Variants in NTNG1 observed in about 807,000 individuals in gnomAD.
NTNG1 encodes the protein netrin-G1.
NTNG1 carries 16 observed loss-of-function variants against 54.0 expected under a neutral mutation model. The observed-to-expected ratio is 0.30, with a 90% confidence interval of 0.20 to 0.45. The LOEUF is 0.45. NTNG1 is among the 20% of genes least tolerant of loss of function. The pLI, the probability that NTNG1 is intolerant of heterozygous loss-of-function variation, is 1.00. For missense variants in NTNG1, 530 were observed against 678.7 expected, an observed-to-expected ratio of 0.78 and a Z score of 2.43; for synonymous variants, 255 against 263.1, an observed-to-expected ratio of 0.97 and a Z score of 0.30.
intron 5 of NTNG1, chr1:107,418,650 G>A (rs746401912): frequency 6.3e-7 from 1 of 1,582,658 alleles, no homozygotes; most frequent in South Asian, 1.2e-5. Context: ...AACAAGGTAG[G>A]AGCATGTAAA....
chr1:107,424,224 G>A (rs550654678), intron 5 of NTNG1, among the ~76,000 whole-genome samples: 3 of 152,190 alleles, frequency 2.0e-5, no homozygotes, highest in African/African-American at 4.8e-5. Context: ...AAAGAAATGG[G>A]GAAGCAAATA....
At chr1:107,429,059 C>G (rs1187193534) in intron 5 of NTNG1, among the ~76,000 whole-genome samples, 1 of 152,128 alleles carries the variant, frequency 6.6e-6, no homozygotes, top group African/African-American at 2.4e-5. Context: ...TCCTCACACT[C>G]ACCCTTCTCT....
intron 2 of NTNG1, among the ~76,000 whole-genome samples, chr1:107,284,622 G>C (rs1665080414): frequency 6.6e-6 from 1 of 151,964 alleles, no homozygotes; most frequent in Non-Finnish European, 1.5e-5. Flanking sequence ...AAGCAAAAAA[G>C]TAGAACAAAA....
chr1:107,411,399 G>T (rs1267551590), intron 5 of NTNG1, among the ~76,000 whole-genome samples: 1 of 152,092 alleles, frequency 6.6e-6, no homozygotes, highest in African/African-American at 2.4e-5. Context: ...TTTCATACTT[G>T]AAAACATTTT....
Position 107,281,830 on chromosome 1 carries a change from A to AT in NTNG1, c.247-42446dup, listed in dbSNP as rs1557866942. Among the ~76,000 whole-genome samples, 3 of 152,140 alleles carry AT rather than the reference A, an allele frequency of 2.0e-5. No homozygotes were observed. The South Asian group carries it at 6.2e-4, about 32-fold the overall frequency. On this transcript the variant is annotated intron_variant, in intron 2 of 7. Transcript: ENST00000370068. ...TTACTAAGCATACTTTGCAGTTAAC[A>AT]TTTTTTCCCAGCAAGACATTCCCAA...
At chr1:107,451,110 T>G (rs1256916994) in intron 7 of NTNG1, among the ~76,000 whole-genome samples, 2 of 62,426 alleles carry the variant, frequency 3.2e-5, no homozygotes, top group Non-Finnish European at 8.7e-5. Flanking sequence ...CTTTCTTTCT[T>G]TTTTTTTTTT....
At position 107,329,794 on chromosome 1, in the gene NTNG1, C is replaced by A. The variant is rs115701532; in HGVS notation, c.887+4872C>A. Among the ~76,000 whole-genome samples the A allele has an allele frequency of 5.6e-3, 855 of 152,176 alleles. 9 individuals carry two copies. Among genetic ancestry groups the A allele is most frequent in the African/African-American group, 0.019 (808 of 41,516 alleles). The stretch of plus-strand genomic sequence containing the variant: ...CATCCATAAATACTTATCCTCTACT[C>A]TGGGACAGATGCTGGCTTTGATGGT... On this transcript the variant is annotated intron_variant, in intron 3 of 7. Transcript: ENST00000370068.
intron 3 of NTNG1, among the ~76,000 whole-genome samples, chr1:107,381,974 A>G (rs1363223654): frequency 6.6e-6 from 1 of 152,144 alleles, no homozygotes; most frequent in African/African-American, 2.4e-5. Flanking sequence ...CAAAGGCCCC[A>G]GGGCCAATTT....
At chr1:107,195,993 TG>T (rs58422923) in intron 2 of NTNG1, among the ~76,000 whole-genome samples, 16,036 of 151,912 alleles carry the variant, frequency 0.11, 2,834 homozygotes, top group African/African-American at 0.36. Flanking sequence ...CCTCCTAGAA[TG>T]TAAGCCTCAT....
chr1:107,340,839 C>T (rs1383008575), intron 3 of NTNG1, among the ~76,000 whole-genome samples: 1 of 152,056 alleles, frequency 6.6e-6, no homozygotes, highest in East Asian at 1.9e-4. Flanking sequence ...TTAAACATCT[C>T]AGAGTCTCAG....
rs558733268 is a variant in NTNG1 at position 107,405,970 on chromosome 1, G to A, written c.1061-1712G>A. ...TTCAGCAGTCCTTTGCAGAAATCAC[G>A]TTCAGCTTGAAATTCATAGGGTAGA... On this transcript the variant is annotated intron_variant, in intron 4 of 7. Coordinates refer to ENST00000370068, the MANE Select transcript of NTNG1 (RefSeq NM_001113226.3). 2.6e-3 allele frequency among the ~76,000 whole-genome samples: 393 copies of A among 152,228 alleles called. 2 individuals carry two copies. Among genetic ancestry groups the A allele is most frequent in the African/African-American group, 8.9e-3 (369 of 41,554 alleles).
At chr1:107,471,428 C>A (rs926443648) in intron 7 of NTNG1, among the ~76,000 whole-genome samples, 1 of 152,076 alleles carries the variant, frequency 6.6e-6, no homozygotes, top group East Asian at 1.9e-4. Context: ...TGTTTGCATC[C>A]GTACCTCCCC....
At chr1:107,308,689 T>C (rs1666828442) in intron 2 of NTNG1, among the ~76,000 whole-genome samples, 1 of 152,158 alleles carries the variant, frequency 6.6e-6, no homozygotes, top group Non-Finnish European at 1.5e-5. Flanking sequence ...TTCTGTGAAA[T>C]AATGTCACTG....
chr1:107,223,735 G>T (rs371063504), intron 2 of NTNG1, among the ~76,000 whole-genome samples: 1 of 152,112 alleles, frequency 6.6e-6, no homozygotes, highest in Admixed American at 6.6e-5. Context: ...TATCTCTAGG[G>T]ATTACAGGAC....
intron 2 of NTNG1, among the ~76,000 whole-genome samples, chr1:107,171,970 T>A (rs1453923487): frequency 6.6e-6 from 1 of 152,072 alleles, no homozygotes; most frequent in East Asian, 1.9e-4. Context: ...AAGTGAGAAA[T>A]CTAGGAGTTT....
rs75855104 is a variant in NTNG1 at position 107,237,670 on chromosome 1, G to T, written c.247-86612G>T. On this transcript the variant is annotated intron_variant, in intron 2 of 7. Coordinates refer to ENST00000370068, the MANE Select transcript of NTNG1 (RefSeq NM_001113226.3). ...GGTGCCCTGTGTTCCAGCTACCCCA[G>T]CTGTGGCTGAAAGGGGCCACTGTAG... Among the ~76,000 whole-genome samples, 42 of 152,292 alleles carry T rather than the reference G, an allele frequency of 2.8e-4. No individual in the cohort carries two copies. In the East Asian group the frequency reaches 6.8e-3, roughly 25 times the overall value.
chr1:107,210,309 G>C (rs1659514662), intron 2 of NTNG1, among the ~76,000 whole-genome samples: 1 of 152,124 alleles, frequency 6.6e-6, no homozygotes, highest in Non-Finnish European at 1.5e-5. Flanking sequence ...AAAGCAAGGA[G>C]AAAATTTAAA....
chr1:107,341,586 T>C (rs185927681), intron 3 of NTNG1, among the ~76,000 whole-genome samples: 3 of 152,218 alleles, frequency 2.0e-5, no homozygotes, highest in African/African-American at 7.2e-5. Context: ...TTTGACATTT[T>C]GCATGGATGG....
At chr1:107,359,568 G>C (rs1356862290) in intron 3 of NTNG1, among the ~76,000 whole-genome samples, 4 of 152,156 alleles carry the variant, frequency 2.6e-5, no homozygotes, top group African/African-American at 9.7e-5. Flanking sequence ...GTAGGCATCA[G>C]AAGTGAAGGG....
Sources: gnomAD v4.1 joint callset for allele counts (sites outside exome capture counted in the v4.1 genomes callset) on GRCh38, gnomAD v4.1.1 for gene constraint, MANE v1.5 for transcripts, NCBI Gene and HGNC (gene_info 2026-07-23, HGNC 2026-07-21) for gene names.